Variants in LRP6 observed in about 807,000 individuals in gnomAD.
The protein encoded by LRP6 is LDL receptor related protein 6.
A neutral mutation model predicts 184.1 loss-of-function variants in LRP6; 43 were observed. The ratio of observed to expected loss-of-function variants is 0.23; its 90% CI spans 0.18 to 0.30. The LOEUF (loss-of-function observed/expected upper bound fraction) is 0.30, where lower values mean the gene tolerates loss of function less well. Ranked by LOEUF, LRP6 falls within the 10% of genes least tolerant of loss-of-function variation. LRP6 has a pLI of 1.00. For missense variants in LRP6, 1,571 were observed against 2,005.3 expected (o/e 0.78, Z 4.14); for synonymous variants, 719 against 684.9 (o/e 1.05, Z -0.78).
chr12:12,233,927 T>C (rs1459313207), intron 2 of LRP6, among the ~76,000 whole-genome samples: 1 of 151,848 alleles, frequency 6.6e-6, no homozygotes, highest in Non-Finnish European at 1.5e-5. Flanking sequence ...ACTCACACAA[T>C]GGTATACTAT....
intron 17 of LRP6, among the ~76,000 whole-genome samples, chr12:12,134,408 TC>T (rs1356534280): frequency 2.0e-5 from 3 of 152,144 alleles, no homozygotes; most frequent in African/African-American, 4.8e-5. Flanking sequence ...CTTAGAATTA[TC>T]CCCAAAAGGA....
intron 1 of LRP6, among the ~76,000 whole-genome samples, chr12:12,261,163 G>A (rs753476548): frequency 7.2e-5 from 11 of 152,132 alleles, no homozygotes; most frequent in Non-Finnish European, 1.6e-4. Context: ...GCTCACGCCT[G>A]TAATCCCAAC....
chr12:12,227,234 T>C (rs1433355823), intron 2 of LRP6, among the ~76,000 whole-genome samples: 1 of 152,132 alleles, frequency 6.6e-6, no homozygotes, highest in Non-Finnish European at 1.5e-5. Flanking sequence ...CTAAAGACTT[T>C]CTCAAGACCA....
chr12:12,152,910 A>G (rs1950101733), intron 12 of LRP6, among the ~76,000 whole-genome samples: 1 of 152,236 alleles, frequency 6.6e-6, no homozygotes, highest in African/African-American at 2.4e-5. Context: ...GTTATCTACA[A>G]AACTGCAATT....
At chr12:12,180,016 A>G in intron 6 of LRP6, 35 bp from the exon 7 acceptor site, 1 of 1,554,034 alleles carries the variant, frequency 6.4e-7, no homozygotes, top group Non-Finnish European at 8.9e-7. Flanking sequence ...CTAAAAATAG[A>G]TAATAAAATG....
chr12:12,183,454 G>A (rs1370961550), intron 5 of LRP6, among the ~76,000 whole-genome samples: 1 of 152,172 alleles, frequency 6.6e-6, no homozygotes, highest in African/African-American at 2.4e-5. Context: ...AACAGGCAAA[G>A]TGTGTTTCTT....
At chr12:12,226,436 G>GA (rs1457769665) in intron 2 of LRP6, among the ~76,000 whole-genome samples, 4 of 152,120 alleles carry the variant, frequency 2.6e-5, no homozygotes, top group Non-Finnish European at 5.9e-5. Flanking sequence ...ATGCTAACGG[G>GA]AAAAAACAGA....
chr12:12,255,598 T>A (rs1865442963), intron 1 of LRP6, among the ~76,000 whole-genome samples: 1 of 136,146 alleles, frequency 7.3e-6, no homozygotes. Context: ...TGAGACAGAG[T>A]CTCACTCTGC....
rs570200323 is a variant in LRP6, at chr12:12,260,357, G to A, written c.55+6324C>T. On this transcript the variant is annotated intron_variant, in intron 1 of 22. Transcript: ENST00000261349. ...TACGCCACTGCACTCCAGCCTGGGC[G>A]ACTGAGCAAGACTCCGTCTCAAAAA... Among the ~76,000 whole-genome samples, 8 of 147,644 alleles carry A rather than the reference G, an allele frequency of 5.4e-5. No homozygotes were observed. The East Asian group carries it at 1.4e-3, about 26-fold the overall frequency.
chr12:12,249,636 T>C (rs1865272413), intron 1 of LRP6, among the ~76,000 whole-genome samples: 1 of 151,092 alleles, frequency 6.6e-6, no homozygotes, highest in Admixed American at 6.6e-5. Flanking sequence ...AAACTAATTT[T>C]TTGTCCATTT....
chr12:12,155,726 A>G, intron 12 of LRP6: 1 of 1,057,356 alleles, frequency 9.5e-7, no homozygotes, highest in Non-Finnish European at 1.5e-6. Flanking sequence ...ACCAGTGGGA[A>G]GGAGCCTGAG....
At chr12:12,214,465 A>G (rs968926031) in intron 2 of LRP6, among the ~76,000 whole-genome samples, 2 of 152,216 alleles carry the variant, frequency 1.3e-5, no homozygotes, top group African/African-American at 4.8e-5. Flanking sequence ...TAAATCAACT[A>G]TGTTATATAG....
chr12:12,180,965 T>C, intron 6 of LRP6, 78 bp downstream of exon 6: 1 of 1,482,460 alleles, frequency 6.7e-7, no homozygotes, highest in Non-Finnish European at 9.4e-7. Context: ...ATATGTCATG[T>C]TATCTTAGTC....
intron 9 of LRP6, among the ~76,000 whole-genome samples, chr12:12,162,731 C>T (rs1287241034): frequency 6.6e-6 from 1 of 152,100 alleles, no homozygotes; most frequent in African/African-American, 2.4e-5. Flanking sequence ...AAAGCTGTGA[C>T]CACAATGCTA....
intron 2 of LRP6, among the ~76,000 whole-genome samples, chr12:12,221,967 G>C (rs1036586718): frequency 3.9e-5 from 6 of 152,176 alleles, no homozygotes; most frequent in African/African-American, 1.2e-4. Flanking sequence ...ATCTAGGAGT[G>C]ATCTGCTAAA....
At chr12:12,241,476 T>G (rs1488739459) in intron 2 of LRP6, among the ~76,000 whole-genome samples, 1 of 152,210 alleles carries the variant, frequency 6.6e-6, no homozygotes, top group East Asian at 1.9e-4. Flanking sequence ...TTAAATACGC[T>G]CCATCATTTG....
intron 1 of LRP6, among the ~76,000 whole-genome samples, chr12:12,248,736 T>C (rs2135926188): frequency 6.6e-6 from 1 of 152,260 alleles, no homozygotes; most frequent in South Asian, 2.1e-4. Flanking sequence ...CGCCTCGGCC[T>C]CCCAAAGTGC....
chr12:12,232,241 G>A (rs1012397855), intron 2 of LRP6, among the ~76,000 whole-genome samples: 9 of 151,714 alleles, frequency 5.9e-5, no homozygotes, highest in African/African-American at 1.5e-4. Flanking sequence ...AAAATTAGCC[G>A]GGCATGGTGG....
intron 7 of LRP6, among the ~76,000 whole-genome samples, chr12:12,179,210 T>G (rs535895335): frequency 2.0e-5 from 3 of 152,282 alleles, no homozygotes; most frequent in Admixed American, 2.0e-4. Flanking sequence ...CAAACTTAAC[T>G]CTACCACTTG....
Sources: gnomAD v4.1 joint callset for allele counts (sites outside exome capture counted in the v4.1 genomes callset) on GRCh38, gnomAD v4.1.1 for gene constraint, MANE v1.5 for transcripts, NCBI Gene and HGNC (gene_info 2026-07-23, HGNC 2026-07-21) for gene names.